The following KCTD2 variants were observed in gnomAD, a reference collection of about 807,000 sequenced individuals.
The protein encoded by KCTD2 is potassium channel tetramerization domain containing 2.
A neutral mutation model predicts 27.9 loss-of-function variants in KCTD2; 18 were observed. That is an observed-to-expected ratio of 0.64 (90% CI 0.45 to 0.96). The LOEUF is 0.96. Among genes scored for constraint, KCTD2 ranks in the 40% least tolerant of loss-of-function variants. The pLI is 0.00. For synonymous variants in KCTD2, 175 were observed against 148.4 expected (o/e 1.18, Z -1.30); for missense variants, 280 against 348.0 (o/e 0.80, Z 1.56).
upstream of KCTD2, among the ~76,000 whole-genome samples, chr17:75,044,484 C>T (rs1314247649): frequency 1.2e-5 from 1 of 82,952 alleles, no homozygotes; most frequent in Non-Finnish European, 2.0e-5. Flanking sequence ...GGATTATAGG[C>T]GTGAGCCACC....
At chr17:75,039,063 T>C in intron 3 of KCTD2, 1 of 1,613,878 alleles carries the variant, frequency 6.2e-7, no homozygotes, top group Non-Finnish European at 8.5e-7. Context: ...ATCTTCTCCA[T>C]CTGGAAAGAG....
At chr17:75,050,297 C>A (rs1386662317) in intron 2 of KCTD2, among the ~76,000 whole-genome samples, 1 of 147,936 alleles carries the variant, frequency 6.8e-6, no homozygotes, top group Non-Finnish European at 1.5e-5. Context: ...TTTTTTTTTT[C>A]TTCGCTCAGG....
upstream of KCTD2, chr17:75,047,220 C>T (rs1404756998): frequency 1.7e-6 from 1 of 594,038 alleles, no homozygotes; most frequent in Non-Finnish European, 2.2e-6. Flanking sequence ...CGGCTGCGCG[C>T]GGGCAGCAGC....
chr17:75,050,612 A>G (rs1044692718), intron 2 of KCTD2, among the ~76,000 whole-genome samples: 7 of 152,164 alleles, frequency 4.6e-5, no homozygotes, highest in Admixed American at 1.3e-4. Context: ...CATCATGGAG[A>G]ATGGGGTATC....
upstream of KCTD2, chr17:75,042,562 G>C (rs902581826): frequency 2.5e-6 from 4 of 1,612,544 alleles, no homozygotes; most frequent in Non-Finnish European, 3.4e-6. Flanking sequence ...GGATTTCAGG[G>C]AACTAGCAAT....
chr17:75,059,697 C>A, intron 4 of KCTD2, 92 bp downstream of exon 4: 1 of 945,422 alleles, frequency 1.1e-6, no homozygotes, highest in Non-Finnish European at 1.6e-6. Context: ...TTAATAACCA[C>A]GGGAGACGGC....
Position 75,059,248 on chromosome 17 carries a change from CT to C in KCTD2, c.541-259del, listed in dbSNP as rs1416736812. On this transcript the variant is annotated intron_variant, in intron 3 of 5. Transcript: ENST00000322444. Reference sequence around the variant, plus strand: ...TCAGAATTATTTTACCTTTTTTATTCTTTCACTCTTTGGATATGTTTTTATT... The same window carrying C: ...TCAGAATTATTTTACCTTTTTTATTCTTCACTCTTTGGATATGTTTTTATT... 1.2e-4 allele frequency: 34 copies of C among 288,622 alleles called. No individual in the cohort carries two copies. The Admixed American group carries it at 1.3e-3, about 11-fold the overall frequency. 17.9% of individuals were successfully genotyped at this position (288,622 alleles called of 1,614,324 possible).
Position 75,064,989 on chromosome 17 carries a change from G to A in KCTD2, c.*1942G>A, listed in dbSNP as rs895726721. ...CTGTCTGCTTTCCTGGGGCATGCCT[G>A]ATCAGCGTGGGCTGGAGCTCCTAGA... On this transcript the variant is annotated 3_prime_UTR_variant, in exon 6 of 6. Transcript: ENST00000322444. 6.6e-6 allele frequency: 1 copy of A among 152,228 alleles called. No individual in the cohort carries two copies. Among genetic ancestry groups the A allele is most frequent in the African/African-American group, 2.4e-5 (1 of 41,438 alleles). 9.4% of individuals were successfully genotyped at this position (152,228 alleles called of 1,614,324 possible). A position where few individuals can be genotyped will look rare whatever the true frequency, so the allele number is the denominator to read the frequency against.
At chr17:75,052,979 G>C in intron 2 of KCTD2, 35 bp from the exon 3 acceptor site, 1 of 1,517,120 alleles carries the variant, frequency 6.6e-7, no homozygotes, top group Non-Finnish European at 9.2e-7. Flanking sequence ...GCAAACCCTC[G>C]CACCTATCTG....
At position 75,062,591 on chromosome 17, in the gene KCTD2, T is replaced by C. The variant is rs2073415047; in HGVS notation, c.762+346T>C. The stretch of plus-strand genomic sequence containing the variant: ...TTTATTCTTTAAAACTGTGCTTTTT[T>C]CACTGCCTCAGGAGAAAAGGGTGTT... On this transcript the variant is annotated intron_variant, in intron 5 of 5. Transcript: ENST00000322444. Among the ~76,000 whole-genome samples the C allele has an allele frequency of 1.3e-5, 2 of 152,072 alleles. 1 individual carries two copies. Among genetic ancestry groups the C allele is most frequent in the South Asian group, 4.1e-4 (2 of 4,826 alleles).
intron 3 of KCTD2, among the ~76,000 whole-genome samples, chr17:75,055,985 G>A (rs1483935735): frequency 6.6e-6 from 1 of 151,472 alleles, no homozygotes; most frequent in Non-Finnish European, 1.5e-5. Context: ...GAGCTGAGAT[G>A]GCACCACTGC....
At chr17:75,056,779 G>T (rs184574135) in intron 3 of KCTD2, among the ~76,000 whole-genome samples, 3 of 151,872 alleles carry the variant, frequency 2.0e-5, no homozygotes, top group African/African-American at 7.2e-5. Flanking sequence ...ATTTTTTTGT[G>T]TGTGGATTTT....
At position 75,063,102 on chromosome 17, in the gene KCTD2, G is replaced by A; in HGVS notation, c.*55G>A. The A allele has an allele frequency of 6.4e-7, 1 of 1,553,788 alleles. No homozygotes were observed. On this transcript the variant is annotated 3_prime_UTR_variant, in exon 6 of 6. Coordinates refer to ENST00000322444, the MANE Select transcript of KCTD2 (RefSeq NM_015353.3). Reference sequence around the variant, plus strand: ...GGAGAGCAGTCAGCAGAGCCCCTCTGTGAAGTGAAACCTCACTCCTGTCCA... The same window carrying A: ...GGAGAGCAGTCAGCAGAGCCCCTCTATGAAGTGAAACCTCACTCCTGTCCA...
intron 3 of KCTD2, among the ~76,000 whole-genome samples, chr17:75,055,868 T>C (rs538478904): frequency 2.8e-4 from 42 of 148,412 alleles, no homozygotes; most frequent in African/African-American, 1.0e-3. Context: ...CCCTGTCTAC[T>C]AAAAATACGA....
chr17:75,059,919 C>T (rs1001697021), intron 4 of KCTD2, among the ~76,000 whole-genome samples: 22 of 152,160 alleles, frequency 1.4e-4, no homozygotes, highest in Non-Finnish European at 2.4e-4. Flanking sequence ...TAGAATGAGT[C>T]CCTAAAGGAG....
rs2144905093 is a variant in KCTD2 at position 75,036,610 on chromosome 17, C to T, written c.-259+1253C>T. 2.0e-5 allele frequency among the ~76,000 whole-genome samples: 3 copies of T among 152,380 alleles called. No homozygotes were observed. In the Middle Eastern group the frequency reaches 0.01, roughly 518 times the overall value. ...GGGCTCCCCCTAATGCTGGGGTTGC[C>T]CCCTTCACATCCCAACACCTTCACG... On this transcript the variant is annotated intron_variant, in intron 3 of 7. Coordinates refer to the KCTD2 transcript ENST00000581589.
Position 75,047,598 on chromosome 17 carries a change from C to A in KCTD2, c.339+9C>A. On this transcript the variant is annotated intron_variant, in intron 1 of 5. Transcript: ENST00000322444. ...AGCTGGACTCAGACAAGGTGTGCCC[C>A]GCCCTCGGGCGCGCCCCCGGGCCTT... 1 of 1,603,612 alleles carries A rather than the reference C, an allele frequency of 6.2e-7. No individual in the cohort carries two copies.
chr17:75,062,962 G>A (rs372630398), intron 5 of KCTD2, 56 bp from the exon 6 acceptor site: 30 of 1,589,648 alleles, frequency 1.9e-5, no homozygotes, highest in East Asian at 8.9e-5. Context: ...AGCATCCCCC[G>A]ACATCTCTGT....
chr17:75,037,345 GAAAA>G (rs56310455), intron 3 of KCTD2, among the ~76,000 whole-genome samples: 1 of 84,708 alleles, frequency 1.2e-5, no homozygotes, highest in African/African-American at 3.5e-5. Context: ...TTCCATATCA[GAAAA>G]AAAAAAAAAA....
Sources: gnomAD v4.1 joint callset for allele counts (sites outside exome capture counted in the v4.1 genomes callset) on GRCh38, gnomAD v4.1.1 for gene constraint, MANE v1.5 for transcripts, NCBI Gene and HGNC (gene_info 2026-07-23, HGNC 2026-07-21) for gene names.